ADAP2: variants seen among roughly 807,000 people sequenced by gnomAD.
The protein encoded by ADAP2 is arf-GAP with dual PH domain-containing protein 2.
Under a neutral mutation model 54.9 loss-of-function variants are expected in ADAP2, and 42 were observed. That is an observed-to-expected ratio of 0.77 (90% CI 0.60 to 0.99). The LOEUF is 0.99. ADAP2 is among the 50% of genes least tolerant of loss of function. The pLI is 0.00. For missense variants in ADAP2, 429 were observed against 480.4 expected, an observed-to-expected ratio of 0.89 and a Z score of 1.00; for synonymous variants, 177 against 180.1, an observed-to-expected ratio of 0.98 and a Z score of 0.14.
rs191526370 is a variant in ADAP2 at position 30,940,254 on chromosome 17, C to T, written c.511-4653C>T. Among the ~76,000 whole-genome samples the T allele has an allele frequency of 5.1e-3, 772 of 152,140 alleles. 9 individuals are homozygous for T. Among genetic ancestry groups the T allele is most frequent in the African/African-American group, 0.018 (742 of 41,518 alleles). ...CTAGGATAACAGACATAAGTCACCA[C>T]GCCTGGCCTTTTTTTTTACACTATT... On this transcript the variant is annotated intron_variant, in intron 5 of 10. Transcript: ENST00000330889.
chr17:30,944,229 A>G (rs1052847928), intron 5 of ADAP2, among the ~76,000 whole-genome samples: 1 of 152,206 alleles, frequency 6.6e-6, no homozygotes, highest in African/African-American at 2.4e-5. Context: ...ATGTTCTCTC[A>G]GCAACGTGGA....
At chr17:30,952,270 CA>C (rs1465564149) in intron 7 of ADAP2, among the ~76,000 whole-genome samples, 3 of 152,230 alleles carry the variant, frequency 2.0e-5, no homozygotes, top group Non-Finnish European at 4.4e-5. Context: ...AAGGTCTTAA[CA>C]AAGGTAATGC....
chr17:30,947,764 T>C (rs574691534), intron 6 of ADAP2, among the ~76,000 whole-genome samples: 92 of 152,212 alleles, frequency 6.0e-4, no homozygotes, highest in Non-Finnish European at 1.1e-3. Flanking sequence ...TTTTAAACCA[T>C]ATTCAGATGA....
chr17:30,922,862 G>C, intron 1 of ADAP2, 78 bp from the exon 2 acceptor site: 1 of 1,523,644 alleles, frequency 6.6e-7, no homozygotes, highest in Non-Finnish European at 8.9e-7. Context: ...CGCCCCACCT[G>C]CCCCAGTGCC....
intron 5 of ADAP2, 76 bp downstream of exon 5, chr17:30,934,373 G>A: frequency 2.0e-6 from 2 of 976,286 alleles, no homozygotes; most frequent in Admixed American, 2.5e-5. Flanking sequence ...TCTAATCAGT[G>A]GTGCCCTTTT....
chr17:30,935,064 CAAAACAAAAACA>C (rs549583990), intron 5 of ADAP2, among the ~76,000 whole-genome samples: 5 of 151,988 alleles, frequency 3.3e-5, no homozygotes, highest in African/African-American at 1.2e-4. Context: ...AAAAACAAAA[CAAAACAAAAACA>C]AAAACAAAAA....
At position 30,931,914 on chromosome 17, in the gene ADAP2, G is replaced by A. The variant is rs934944973; in HGVS notation, c.343G>A (p.Ala115Thr). The A allele has an allele frequency of 3.1e-6, 5 of 1,613,954 alleles. No homozygotes were observed. The highest frequency in any genetic ancestry group is 4.2e-6 in the Non-Finnish European group (5 of 1,179,972). ...CLVLKEQWIR[A>T]KYERREFMAD... is the part of the protein sequence containing the mutation. ...GGTCTTAAAGGAACAATGGATTCGAGCTAAGTATGAGAGACGGGAATTTAT... is the reference window on the plus strand; with the variant it reads ...GGTCTTAAAGGAACAATGGATTCGAACTAAGTATGAGAGACGGGAATTTAT... The change falls in exon 4 of 11, where the codon GCT becomes ACT. Residue 115 changes from alanine (A) to threonine (T), a missense_variant. Transcript: ENST00000330889.
intron 4 of ADAP2, 56 bp from the exon 5 acceptor site, chr17:30,934,129 C>A: frequency 7.2e-7 from 1 of 1,386,588 alleles, no homozygotes; most frequent in Non-Finnish European, 1.0e-6. Flanking sequence ...GGTTCCTGAG[C>A]TGCTTGTGAT....
At chr17:30,930,831 T>G (rs1911420348) in intron 3 of ADAP2, among the ~76,000 whole-genome samples, 1 of 152,202 alleles carries the variant, frequency 6.6e-6, no homozygotes, top group African/African-American at 2.4e-5. Flanking sequence ...ATGGTTTTTC[T>G]GCAGGACTCA....
intron 7 of ADAP2, 111 bp downstream of exon 7, chr17:30,949,481 G>A: frequency 1.1e-6 from 1 of 943,148 alleles, no homozygotes; most frequent in Non-Finnish European, 1.7e-6. Flanking sequence ...GGGCGCGGTG[G>A]CTCACGCCTG....
chr17:30,927,627 A>AT (rs1470031759), intron 3 of ADAP2, among the ~76,000 whole-genome samples: 207 of 148,972 alleles, frequency 1.4e-3, no homozygotes, highest in African/African-American at 5.1e-3. Flanking sequence ...AAAAAAAAAA[A>AT]AATAAAAGAT....
chr17:30,942,265 T>A (rs1430138541), intron 5 of ADAP2, among the ~76,000 whole-genome samples: 1 of 151,904 alleles, frequency 6.6e-6, no homozygotes, highest in African/African-American at 2.4e-5. Flanking sequence ...GTTGATTAAG[T>A]GAAAATTAAC....
rs1342628320 is a variant in ADAP2 at position 30,921,994 on chromosome 17, G to A, written c.-21G>A. 3.2e-6 allele frequency: 4 copies of A among 1,263,754 alleles called. No homozygotes were observed. Among genetic ancestry groups the A allele is most frequent in the Middle Eastern group, 2.8e-4 (1 of 3,632 alleles). 78.3% of individuals were successfully genotyped at this position (1,263,754 alleles called of 1,614,324 possible). ...GCGCACGGGCCATGGGCTGAGCCCC[G>A]CTGAGCCCGCCGGGCCGGCCATGGG... On this transcript the variant is annotated 5_prime_UTR_variant, in exon 1 of 11. Transcript: ENST00000330889.
At chr17:30,922,618 C>G (rs902715701) in intron 1 of ADAP2, among the ~76,000 whole-genome samples, 2 of 152,166 alleles carry the variant, frequency 1.3e-5, no homozygotes, top group Admixed American at 6.5e-5. Flanking sequence ...CGCCGAGGGC[C>G]CCCTAACTCA....
intron 7 of ADAP2, 21 bp from the exon 8 acceptor site, chr17:30,953,267 G>GT (rs780679367): frequency 6.2e-7 from 1 of 1,613,824 alleles, no homozygotes; most frequent in African/African-American, 1.3e-5. Context: ...TTGGGGGTCA[G>GT]TGTCTGTCTC....
At position 30,956,276 on chromosome 17, in the gene ADAP2, C is replaced by A. The variant is rs1028632278; in HGVS notation, c.918C>A (p.Asn306Lys). The change falls in exon 10 of 11, where the codon AAC becomes AAA. Residue 306 changes from asparagine (N) to lysine (K), a missense_variant. Asn to Lys is a moderately conservative substitution (Grantham distance 94). Coordinates refer to ENST00000330889, the MANE Select transcript of ADAP2 (RefSeq NM_018404.3). ...AGCAGGGCCAGGTTTTTCTTGGGAA[C>A]AAGGAGCAGGGATATGAAGCCTACG... ...AFEQGQVFLG[N>K]KEQGYEAYED... 2.5e-6 allele frequency: 4 copies of A among 1,614,044 alleles called. No individual in the cohort carries two copies. The highest frequency in any genetic ancestry group is 3.4e-6 in the Non-Finnish European group (4 of 1,180,036).
Position 30,922,123 on chromosome 17 carries a change from G to T in ADAP2, c.94+15G>T. ...CGGGGCGGCAGGTAAGGGCGCGGCG[G>T]CGCGGGCAGCGCGAGACCCCCGGCC... is the stretch of plus-strand genomic sequence containing the variant. On this transcript the variant is annotated intron_variant, in intron 1 of 10. Coordinates refer to ENST00000330889, the MANE Select transcript of ADAP2 (RefSeq NM_018404.3). The T allele has an allele frequency of 8.1e-7, 1 of 1,231,802 alleles. No individual in the cohort carries two copies. The highest frequency in any genetic ancestry group is 1.6e-5 in the African/African-American group (1 of 64,044). 76.3% of individuals were successfully genotyped at this position (1,231,802 alleles called of 1,614,324 possible). A position where few individuals can be genotyped will look rare whatever the true frequency, so the allele number is the denominator to read the frequency against.
chr17:30,952,826 C>T (rs1019940527), intron 7 of ADAP2, among the ~76,000 whole-genome samples: 4 of 152,184 alleles, frequency 2.6e-5, no homozygotes, highest in African/African-American at 9.7e-5. Context: ...GCCTGAATCT[C>T]AGCTCTTTGT....
At chr17:30,951,344 C>G (rs1225831634) in intron 7 of ADAP2, among the ~76,000 whole-genome samples, 7 of 152,038 alleles carry the variant, frequency 4.6e-5, no homozygotes, top group Non-Finnish European at 1.0e-4. Context: ...AATGGTTTCC[C>G]TAGGCCTCTG....
Sources: allele counts gnomAD v4.1 joint callset (sites outside exome capture counted in the v4.1 genomes callset), GRCh38; gene constraint gnomAD v4.1.1; transcripts MANE v1.5; gene names NCBI Gene and HGNC (gene_info 2026-07-23, HGNC 2026-07-21).